Variants in ROBO3 observed in about 807,000 individuals in gnomAD.
The protein encoded by ROBO3 is roundabout homolog 3.
A neutral mutation model predicts 160.5 loss-of-function variants in ROBO3; 97 were observed. That is an observed-to-expected ratio of 0.60 (90% confidence interval 0.51 to 0.72). The LOEUF is 0.72. Among genes scored for constraint, ROBO3 ranks in the 30% least tolerant of loss-of-function variants. The pLI, the probability that ROBO3 is intolerant of heterozygous loss-of-function variation, is 0.00. For missense variants in ROBO3, 1,858 were observed against 1,846.5 expected (o/e 1.01, Z -0.11); for synonymous variants, 780 against 746.2 (o/e 1.05, Z -0.74).
At position 124,869,423 on chromosome 11, in the gene ROBO3, T is replaced by A. The variant is rs1946248119; in HGVS notation, c.488-27T>A. ...CAGTTATGTCACTCTACACCCTGCT[T>A]ATTTCGCCCCCCACCGCCCCGCCCA... is the stretch of plus-strand genomic sequence containing the variant. On this transcript the variant is annotated intron_variant, in intron 2 of 27. Transcript: ENST00000397801. This position sits in a 1 kb window ranked among gnomAD's most constrained non-coding sequence, Gnocchi z 4.2. 3.4e-6 allele frequency: 5 copies of A among 1,475,742 alleles called. 2 individuals carry two copies. In the African/African-American group the frequency reaches 7.6e-5, roughly 22 times the overall value. The allele number at this position is 1,475,742 out of a possible 1,614,324, so 91.4% of individuals were successfully genotyped here.
In ROBO3 at chr11:124,881,261, G is replaced by A; in HGVS notation, c.*11G>A. Reference sequence around the variant, plus strand: ...TAGGAACCAAGATGACCCTTGTTGGGGCATTGAGAATATCATGAGTGCCAC... The same window carrying A: ...TAGGAACCAAGATGACCCTTGTTGGAGCATTGAGAATATCATGAGTGCCAC... On this transcript the variant is annotated 3_prime_UTR_variant, in exon 28 of 28. Transcript: ENST00000397801. 6.2e-7 allele frequency: 1 copy of A among 1,602,580 alleles called. No individual in the cohort carries two copies. Among genetic ancestry groups the A allele is most frequent in the Non-Finnish European group, 8.5e-7 (1 of 1,174,270 alleles).
rs1490186919 is a variant in ROBO3, at chr11:124,873,106, G to A, written c.1536+17G>A. ...AATGTGCAGGTGAGTGTCACCCCTG[G>A]GGCCCTAGTAGCTGAGAATGGCTAT... On this transcript the variant is annotated intron_variant, in intron 9 of 27. Coordinates refer to ENST00000397801, the MANE Select transcript of ROBO3 (RefSeq NM_022370.4). The surrounding 1 kb of genome is among the most constrained non-coding windows in gnomAD (Gnocchi z 4.5). 1 of 1,608,254 alleles carries A rather than the reference G, an allele frequency of 6.2e-7. No homozygotes were observed. The highest frequency in any genetic ancestry group is 8.5e-7 in the Non-Finnish European group (1 of 1,176,306).
Position 124,872,749 on chromosome 11 carries a change from A to T in ROBO3, c.1331-135A>T, listed in dbSNP as rs1487258303. On this transcript the variant is annotated intron_variant, in intron 8 of 27. Transcript: ENST00000397801. The surrounding 1 kb of genome is among the most constrained non-coding windows in gnomAD (Gnocchi z 4.3). The stretch of plus-strand genomic sequence containing the variant: ...TCCTGGGCAGAGACTTCAGATGATT[A>T]TCAAAGCCCCCTCTGATCACCGGAA... 1 of 948,268 alleles carries T rather than the reference A, an allele frequency of 1.1e-6. No individual in the cohort carries two copies. Among genetic ancestry groups the T allele is most frequent in the African/African-American group, 1.7e-5 (1 of 60,324 alleles). 58.7% of individuals were successfully genotyped at this position (948,268 alleles called of 1,614,324 possible).
rs1946424879 is a variant in ROBO3, at chr11:124,877,637, C to T, written c.2965C>T (p.Pro989Ser). The T allele has an allele frequency of 3.1e-6, 5 of 1,610,936 alleles. No individual in the cohort carries two copies. The highest frequency in any genetic ancestry group is 4.2e-6 in the Non-Finnish European group (5 of 1,178,666). Residue 989 changes from proline (P) to serine (S), a missense_variant, in exon 20 of 28, where the codon CCG (proline) becomes TCG (serine). Physicochemically the swap from Pro to Ser is moderately conservative, Grantham distance 74. Coordinates refer to ENST00000397801, the MANE Select transcript of ROBO3 (RefSeq NM_022370.4). ...AAGCTGCTGCCCTAGCAATCCTGAC[C>T]CGGACGACAGATATTACAACGGTGA... Reference protein sequence around the residue: ...RGSCCPSNPDPDDRYYNEAGI... With the variant: ...RGSCCPSNPDSDDRYYNEAGI...
intron 1 of ROBO3, among the ~76,000 whole-genome samples, chr11:124,867,351 A>G (rs1423571829): frequency 6.6e-6 from 1 of 152,230 alleles, no homozygotes; most frequent in Admixed American, 6.5e-5. Context: ...CTCACATCAC[A>G]AAGAAAGAAA....
chr11:124,879,845 G>T lies in ROBO3; in HGVS notation c.3855G>T (p.Leu1285=), dbSNP rs754894712. 11 of 1,613,852 alleles carry T rather than the reference G, an allele frequency of 6.8e-6. No homozygotes were observed. Among genetic ancestry groups the T allele is most frequent in the Non-Finnish European group, 9.3e-6 (11 of 1,179,848 alleles). ...PEEEASWALE[L]RAAGSMSSLE... The stretch of plus-strand genomic sequence containing the variant: ...AAGAGGCGAGCTGGGCCCTAGAGCT[G>T]AGGGCAGCAGGCAGCATGTCCTCCC... Residue 1285 remains leucine (L), a synonymous_variant, in exon 26 of 28, where the codon CTG becomes CTT. Coordinates refer to ENST00000397801, the MANE Select transcript of ROBO3 (RefSeq NM_022370.4).
At position 124,878,792 on chromosome 11, in the gene ROBO3, C is replaced by G. The variant is rs751591086; in HGVS notation, c.3529C>G (p.Pro1177Ala). 3 of 1,610,788 alleles carry G rather than the reference C, an allele frequency of 1.9e-6. No individual in the cohort carries two copies. Among genetic ancestry groups the G allele is most frequent in the Non-Finnish European group, 2.5e-6 (3 of 1,178,350 alleles). Residue 1177 changes from proline (P) to alanine (A), a missense_variant, in exon 23 of 28, where the codon CCC becomes GCC. Transcript: ENST00000397801. The surrounding 1 kb of genome is among the most constrained non-coding windows in gnomAD (Gnocchi z 4.3). ...TGACATGCCCCATCTCCATCAGATG[C>G]CCAGGTAGGGAGGTATATAGTACCT... is the stretch of plus-strand genomic sequence containing the variant. ...PTDMPHLHQM[P>A]RRVPLGPSSP...
rs960550249 is a variant in ROBO3, at chr11:124,875,047, TGGCCTGGAG to T, written c.2074-57_2074-49del. 30 of 1,510,964 alleles carry T rather than the reference TGGCCTGGAG, an allele frequency of 2.0e-5. No homozygotes were observed. In the African/African-American group the frequency reaches 2.9e-4, roughly 15 times the overall value. The allele number at this position is 1,510,964 out of a possible 1,614,324, so 93.6% of individuals were successfully genotyped here. A position where few individuals can be genotyped will look rare whatever the true frequency, so the allele number is the denominator to read the frequency against. ...AGTGGGAGGAGGGGCTGGGCCTGGA[TGGCCTGGAG>T]GGCCTGTATGGCCCCAGCCTCCCCT... On this transcript the variant is annotated intron_variant, in intron 13 of 27. Transcript: ENST00000397801.
chr11:124,878,003 T>A lies in ROBO3; in HGVS notation c.3053T>A (p.Val1018Asp), dbSNP rs1288478543. 5.6e-6 allele frequency: 9 copies of A among 1,612,232 alleles called. No individual in the cohort carries two copies. Among genetic ancestry groups the A allele is most frequent in the Non-Finnish European group, 7.6e-6 (9 of 1,179,212 alleles). The change falls in exon 21 of 28, where the codon GTC becomes GAC. Residue 1018 changes from valine to aspartate, a missense_variant. Physicochemically the swap from Val to Asp is radical, Grantham distance 152 (BLOSUM62 -3). Transcript: ENST00000397801. The surrounding 1 kb of genome is among the most constrained non-coding windows in gnomAD (Gnocchi z 4.3). ...RGTAAPGEGP[V>D]YSTIDPAGEE... ...ACGGCCGCCCCTGGCGAGGGTCCTG[T>A]CTATAGCACCATTGACCCAGCGGGG...
In ROBO3 at chr11:124,874,088, A is replaced by C; in HGVS notation, c.1803A>C (p.Thr601=). ...GTTGTAGCCCAGCAGCTGGCAACAC[A>C]TGGCGTACTGTGGCAGATGGCGTGC... is the stretch of plus-strand genomic sequence containing the variant. ...IEAFSPAAGN[T]WRTVADGVQL... is the part of the protein sequence containing the mutation. The change falls in exon 12 of 28, where the codon ACA becomes ACC. Residue 601 remains threonine, a synonymous_variant. Coordinates refer to ENST00000397801, the MANE Select transcript of ROBO3 (RefSeq NM_022370.4). 1 of 1,613,958 alleles carries C rather than the reference A, an allele frequency of 6.2e-7. No homozygotes were observed. Among genetic ancestry groups the C allele is most frequent in the Non-Finnish European group, 8.5e-7 (1 of 1,179,878 alleles).
intron 12 of ROBO3, 145 bp from the exon 13 acceptor site, chr11:124,874,643 C>A: frequency 1.1e-6 from 1 of 923,484 alleles, no homozygotes; most frequent in Non-Finnish European, 1.5e-6. Context: ...TGTCTGGAAG[C>A]TATTTTCCTG....
chr11:124,881,311 T>C lies in ROBO3; in HGVS notation c.*61T>C, dbSNP rs1295080548. On this transcript the variant is annotated 3_prime_UTR_variant, in exon 28 of 28. Coordinates refer to ENST00000397801, the MANE Select transcript of ROBO3 (RefSeq NM_022370.4). Reference sequence around the variant, plus strand: ...CGGGGAAGGGGAGTAGGGATGTCTTTTCCCCCCCAGCAGTGATGAGTGGGG... The same window carrying C: ...CGGGGAAGGGGAGTAGGGATGTCTTCTCCCCCCCAGCAGTGATGAGTGGGG... 1.7e-5 allele frequency: 26 copies of C among 1,529,062 alleles called. No individual in the cohort carries two copies. The highest frequency in any genetic ancestry group is 2.3e-5 in the East Asian group (1 of 42,592). 94.7% of individuals were successfully genotyped at this position (1,529,062 alleles called of 1,614,324 possible).
Position 124,872,554 on chromosome 11 carries a change from T to C in ROBO3, c.1330+2T>C, listed in dbSNP as rs1297249854. The C allele has an allele frequency of 1.2e-6, 2 of 1,612,346 alleles. No individual in the cohort carries two copies. Among genetic ancestry groups the C allele is most frequent in the African/African-American group, 1.3e-5 (1 of 74,852 alleles). On this transcript the variant is annotated splice_donor_variant, in intron 8 of 27. Transcript: ENST00000397801. LOFTEE classifies it high-confidence loss of function. This position sits in a 1 kb window ranked among gnomAD's most constrained non-coding sequence, Gnocchi z 4.3. Reference sequence around the variant, plus strand: ...AGGCCCTGCTGGAGATAAAAGGAGGTACGTGCCCATGGAGATAGGACTGGA... The same window carrying C: ...AGGCCCTGCTGGAGATAAAAGGAGGCACGTGCCCATGGAGATAGGACTGGA...
rs1389368095 is a variant in ROBO3 at position 124,873,164 on chromosome 11, A to T, written c.1536+75A>T. The T allele has an allele frequency of 4.0e-6, 6 of 1,489,604 alleles. No homozygotes were observed. The East Asian group carries it at 1.4e-4, about 34-fold the overall frequency. 92.3% of individuals were successfully genotyped at this position (1,489,604 alleles called of 1,614,324 possible). A position where few individuals can be genotyped will look rare whatever the true frequency, so the allele number is the denominator to read the frequency against. ...ACGTTCCTTACACAAGTAAGTACTC[A>T]CTGGGCCTGTAGCCCCATCTTTACC... On this transcript the variant is annotated intron_variant, in intron 9 of 27. Coordinates refer to ENST00000397801, the MANE Select transcript of ROBO3 (RefSeq NM_022370.4). This position sits in a 1 kb window ranked among gnomAD's most constrained non-coding sequence, Gnocchi z 4.5.
rs1435251604 is a variant in ROBO3, at chr11:124,865,737, G to A, written c.160G>A (p.Gly54Arg). The change falls in exon 1 of 28, where the codon GGG (glycine) becomes AGG (arginine). Residue 54 changes from glycine to arginine, a missense_variant and splice_region_variant. Coordinates refer to ENST00000397801, the MANE Select transcript of ROBO3 (RefSeq NM_022370.4). This position sits in a 1 kb window ranked among gnomAD's most constrained non-coding sequence, Gnocchi z 5.5. Reference protein sequence around the residue: ...LLPPGDPSLNGSRVGPEDAMP... With the variant: ...LLPPGDPSLNRSRVGPEDAMP... ...GCCTCCCGGCGATCCCTCTCTCAACGGTGAGACCCTGCCTCTTGGGGATAT... is the reference window on the plus strand; with the variant it reads ...GCCTCCCGGCGATCCCTCTCTCAACAGTGAGACCCTGCCTCTTGGGGATAT... 1 of 1,605,980 alleles carries A rather than the reference G, an allele frequency of 6.2e-7. No individual in the cohort carries two copies. Among genetic ancestry groups the A allele is most frequent in the Middle Eastern group, 1.7e-4 (1 of 5,966 alleles).
rs374359013 is a variant in ROBO3, at chr11:124,879,911, C to T, written c.3921C>T (p.Ala1307=). 1,415 of 1,604,318 alleles carry T rather than the reference C, an allele frequency of 8.8e-4. 2 individuals are homozygous for T. Among genetic ancestry groups the T allele is most frequent in the Non-Finnish European group, 7.3e-4 (859 of 1,176,002 alleles). ...GTGGGGAGAGGAAAGCGGTCCAGGC[C>T]GTGCCCCTGGCAGCCCAGCGGGTGC... The part of the protein sequence containing the change: ...ERSGERKAVQ[A]VPLAAQRVLH... The change falls in exon 26 of 28, where the codon GCC becomes GCT. Residue 1307 remains alanine, a synonymous_variant. Coordinates refer to ENST00000397801, the MANE Select transcript of ROBO3 (RefSeq NM_022370.4).
Position 124,870,610 on chromosome 11 carries a change from C to T in ROBO3, c.915C>T (p.Ile305=), listed in dbSNP as rs777339938. ...DGELPTGRYE[I]RSDHSLWIGH... The stretch of plus-strand genomic sequence containing the variant: ...GTGGGGAGTGGAGCAGGTATGAGAT[C>T]CGGAGTGACCACAGCCTTTGGATTG... The change falls in exon 6 of 28, where the codon ATC becomes ATT. Residue 305 remains isoleucine, a synonymous_variant. Transcript: ENST00000397801. The T allele has an allele frequency of 2.9e-5, 46 of 1,613,752 alleles. No homozygotes were observed. In the South Asian group the frequency reaches 4.5e-4, roughly 16 times the overall value.
intron 27 of ROBO3, 66 bp from the exon 28 acceptor site, chr11:124,881,173 C>T (rs1946573332): frequency 7.9e-6 from 12 of 1,523,844 alleles, no homozygotes; most frequent in Non-Finnish European, 1.8e-6. Flanking sequence ...AAAGCCTGAG[C>T]CCTTCCTGGA....
intron 20 of ROBO3, 132 bp downstream of exon 20, chr11:124,877,790 CCT>C: frequency 1.6e-6 from 2 of 1,256,952 alleles, no homozygotes; most frequent in Non-Finnish European, 2.3e-6. Context: ...GCTGGGGAAG[CCT>C]CTCAGACCTA....
Sources: allele counts gnomAD v4.1 joint callset (sites outside exome capture counted in the v4.1 genomes callset), GRCh38; gene constraint gnomAD v4.1.1; non-coding constraint Gnocchi (gnomAD v3.1); transcripts MANE v1.5; gene names NCBI Gene and HGNC (gene_info 2026-07-23, HGNC 2026-07-21).